The following DNAH11 variants were observed in gnomAD, a reference collection of about 807,000 sequenced individuals.
The protein encoded by DNAH11 is axonemal beta dynein heavy chain 11.
DNAH11 carries 442 observed loss-of-function variants against 526.0 expected under a neutral mutation model. The observed-to-expected ratio is 0.84, with a 90% CI of 0.78 to 0.91. DNAH11 has a LOEUF of 0.91. Ranked by LOEUF, DNAH11 falls within the 40% of genes least tolerant of loss-of-function variation. The pLI is 0.00. For synonymous variants in DNAH11, 2,461 were observed against 1,935.9 expected, an observed-to-expected ratio of 1.27 and a Z score of -7.12; for missense variants, 6,989 against 5,448.7, an observed-to-expected ratio of 1.28 and a Z score of -8.90.
intron 25 of DNAH11, among the ~76,000 whole-genome samples, chr7:21,625,419 G>T (rs1341135273): frequency 6.6e-6 from 1 of 151,974 alleles, no homozygotes; most frequent in Non-Finnish European, 1.5e-5. Context: ...TCTGGCTAAA[G>T]GTTTGTTGAT....
At chr7:21,822,511 C>A (rs1351298495) in intron 65 of DNAH11, among the ~76,000 whole-genome samples, 2 of 152,136 alleles carry the variant, frequency 1.3e-5, no homozygotes, top group Non-Finnish European at 2.9e-5. Context: ...AATATCCAAA[C>A]TGTATCACAA....
chr7:21,726,935 C>CTTTTT lies in DNAH11; in HGVS notation c.7440+963_7440+967dup, dbSNP rs1330445927. Among the ~76,000 whole-genome samples, 3 of 31,986 alleles carry CTTTTT rather than the reference C, an allele frequency of 9.4e-5. 1 individual carries two copies. Among genetic ancestry groups the CTTTTT allele is most frequent in the African/African-American group, 2.9e-4 (2 of 6,842 alleles). The allele number at this position is 31,986 out of a possible 152,430, so 21.0% of individuals were successfully genotyped here. ...CTGTTATATTTCTGCATCCTCTTTTCTTTTTTTTTTTTTTTTGAGATGGAG... is the reference window on the plus strand; with the variant it reads ...CTGTTATATTTCTGCATCCTCTTTTCTTTTTTTTTTTTTTTTTTTTTGAGATGGAG... On this transcript the variant is annotated intron_variant, in intron 45 of 81. Transcript: ENST00000409508.
Position 21,787,494 on chromosome 7 carries a change from C to T in DNAH11, c.9835C>T (p.Pro3279Ser). Reference protein sequence around the residue: ...KVVNEHYLKDPEFNPNLIRTK... With the variant: ...KVVNEHYLKDSEFNPNLIRTK... ...GGTGAATGAACACTATTTGAAAGAC[C>T]CAGAGTTTAATCCAAACCTGATTCG... is the stretch of plus-strand genomic sequence containing the variant. The change falls in exon 60 of 82, where the codon CCA becomes TCA. Residue 3279 changes from proline (P) to serine (S), a missense_variant. Physicochemically the swap from Pro to Ser is moderately conservative, Grantham distance 74. Coordinates refer to ENST00000409508, the MANE Select transcript of DNAH11 (RefSeq NM_001277115.2). 6.2e-7 allele frequency: 1 copy of T among 1,613,606 alleles called. No homozygotes were observed. The highest frequency in any genetic ancestry group is 8.5e-7 in the Non-Finnish European group (1 of 1,179,702).
chr7:21,567,205 G>C lies in DNAH11; in HGVS notation c.1194+2808G>C, dbSNP rs529062263. ...ATTGCCATCTTTAAAAAAATTTGGG[G>C]TCATTTATTGGGTATCTAGTGGTAA... is the stretch of plus-strand genomic sequence containing the variant. On this transcript the variant is annotated intron_variant, in intron 6 of 81. Transcript: ENST00000409508. Among the ~76,000 whole-genome samples the C allele has an allele frequency of 8.5e-5, 13 of 152,174 alleles. No individual in the cohort carries two copies. The East Asian group carries it at 2.1e-3, about 25-fold the overall frequency.
chr7:21,615,023 G>C, intron 20 of DNAH11, 91 bp from the exon 21 acceptor site: 1 of 1,349,400 alleles, frequency 7.4e-7, no homozygotes, highest in Non-Finnish European at 1.0e-6. Flanking sequence ...AAAAATCAAA[G>C]ATTGAAATGT....
intron 43 of DNAH11, among the ~76,000 whole-genome samples, chr7:21,719,687 A>G (rs1784802125): frequency 6.6e-6 from 1 of 152,240 alleles, no homozygotes; most frequent in African/African-American, 2.4e-5. Context: ...AAAGAAGATT[A>G]AAGAATATAA....
Position 21,866,497 on chromosome 7 carries a change from G to A in DNAH11, c.11524G>A (p.Gly3842Ser). 6.2e-7 allele frequency: 1 copy of A among 1,612,564 alleles called. No homozygotes were observed. Among genetic ancestry groups the A allele is most frequent in the African/African-American group, 1.3e-5 (1 of 74,876 alleles). ...AATTGCCGTCATGGAAGAATTTCGA[G>A]GCATAGACCGAGATGTGGAAGGATC... ...KAIAVMEEFR[G>S]IDRDVEGSAK... is the part of the protein sequence containing the mutation. The change falls in exon 71 of 82, where the codon GGC becomes AGC. Residue 3842 changes from glycine (G) to serine (S), a missense_variant. Coordinates refer to ENST00000409508, the MANE Select transcript of DNAH11 (RefSeq NM_001277115.2).
At chr7:21,738,907 T>A (rs767618985) in intron 47 of DNAH11, 41 bp downstream of exon 47, 2 of 1,442,480 alleles carry the variant, frequency 1.4e-6, no homozygotes, top group East Asian at 4.9e-5. Context: ...CAAAATCTAA[T>A]AATTATTATG....
chr7:21,750,372 A>G lies in DNAH11; in HGVS notation c.8940+8A>G. 1 of 1,593,634 alleles carries G rather than the reference A, an allele frequency of 6.3e-7. No homozygotes were observed. The highest frequency in any genetic ancestry group is 8.5e-7 in the Non-Finnish European group (1 of 1,169,982). On this transcript the variant is annotated splice_region_variant and intron_variant, in intron 54 of 81. Transcript: ENST00000409508. ...GTGCGACTACAGCTCAAAGTAAGAA[A>G]TACTTGCTTAATTTGCATGTTAGTT...
intron 25 of DNAH11, among the ~76,000 whole-genome samples, chr7:21,623,529 G>A (rs1275119687): frequency 1.3e-5 from 2 of 152,076 alleles, no homozygotes; most frequent in Non-Finnish European, 2.9e-5. Flanking sequence ...TGTTTATTGT[G>A]GCACTATTCA....
chr7:21,861,610 G>A (rs1387661771), intron 68 of DNAH11, among the ~76,000 whole-genome samples: 2 of 152,218 alleles, frequency 1.3e-5, no homozygotes, highest in Non-Finnish European at 2.9e-5. Flanking sequence ...GAGAGAAAAT[G>A]ATGCAATTCA....
intron 68 of DNAH11, among the ~76,000 whole-genome samples, chr7:21,859,243 AACTGGG>A (rs1342620623): frequency 1.3e-5 from 2 of 152,060 alleles, no homozygotes; most frequent in Non-Finnish European, 2.9e-5. Context: ...CCCCTCAAGT[AACTGGG>A]ACTACAGGCA....
Position 21,800,840 on chromosome 7 carries a change from G to A in DNAH11, c.10027-297G>A, listed in dbSNP as rs73685308. Among the ~76,000 whole-genome samples the A allele has an allele frequency of 2.2e-3, 329 of 152,220 alleles. 1 individual carries two copies. The highest frequency in any genetic ancestry group is 7.4e-3 in the African/African-American group (308 of 41,506). ...AGGGGGATGATAGTGCACCCACGGC[G>A]TATTTGCATCTTCAGCGCACATCCA... On this transcript the variant is annotated intron_variant, in intron 61 of 81. Transcript: ENST00000409508.
chr7:21,690,370 A>T (rs1783563882), intron 34 of DNAH11, among the ~76,000 whole-genome samples: 1 of 152,212 alleles, frequency 6.6e-6, no homozygotes, highest in Non-Finnish European at 1.5e-5. Flanking sequence ...ACTGAGCAGG[A>T]CGTCCCTTTC....
chr7:21,590,971 C>A lies in DNAH11; in HGVS notation c.2223C>A (p.Asp741Glu). ...VKYLLMLKKQ[D>E]IPDSALAIFK... ...ATCTTTTGATGTTGAAGAAACAAGA[C>A]ATACCAGATTCAGCTTTAGCCATCT... Residue 741 changes from aspartate (D) to glutamate (E), a missense_variant, in exon 13 of 82, where the codon GAC (aspartate) becomes GAA (glutamate). Transcript: ENST00000409508. 1.3e-6 allele frequency: 2 copies of A among 1,519,696 alleles called. No individual in the cohort carries two copies. Among genetic ancestry groups the A allele is most frequent in the East Asian group, 2.5e-5 (1 of 39,552 alleles). 94.1% of individuals were successfully genotyped at this position (1,519,696 alleles called of 1,614,324 possible).
At position 21,690,850 on chromosome 7, in the gene DNAH11, G is replaced by C. The variant is rs772193258; in HGVS notation, c.6010G>C (p.Glu2004Gln). The change falls in exon 35 of 82, where the codon GAA (glutamate) becomes CAA (glutamine). Residue 2004 changes from glutamate (E) to glutamine (Q), a missense_variant. Transcript: ENST00000409508. ...TMNPGYAGRT[E>Q]LPENLKALFR... The stretch of plus-strand genomic sequence containing the variant: ...GAACCCGGGTTATGCTGGTCGAACC[G>C]AATTACCGGAAAATCTCAAAGCTCT... 1.2e-6 allele frequency: 2 copies of C among 1,612,460 alleles called. No homozygotes were observed. The highest frequency in any genetic ancestry group is 1.6e-4 in the Middle Eastern group (1 of 6,062).
intron 61 of DNAH11, among the ~76,000 whole-genome samples, chr7:21,789,817 T>TTTCTTTCTTTCTTCTTTCTTTC (rs1788380786): frequency 8.6e-5 from 6 of 69,532 alleles, no homozygotes; most frequent in African/African-American, 2.7e-4. Flanking sequence ...TTTTTCTTTC[T>TTTCTTTCTTTCTTCTTTCTTTC]TTCTTTCTTT....
chr7:21,716,622 G>A (rs546838850), intron 42 of DNAH11, among the ~76,000 whole-genome samples: 1 of 152,168 alleles, frequency 6.6e-6, no homozygotes. Flanking sequence ...TTCCACTCTG[G>A]CAGCTGATAT....
intron 35 of DNAH11, among the ~76,000 whole-genome samples, chr7:21,691,576 G>T (rs547529904): frequency 6.6e-6 from 1 of 152,194 alleles, no homozygotes; most frequent in Non-Finnish European, 1.5e-5. Context: ...AAAGAATAAA[G>T]AAAAAGTTAC....
Sources: gnomAD v4.1 joint callset for allele counts (sites outside exome capture counted in the v4.1 genomes callset) on GRCh38, gnomAD v4.1.1 for gene constraint, MANE v1.5 for transcripts, NCBI Gene and HGNC (gene_info 2026-07-23, HGNC 2026-07-21) for gene names.